Variants in GATAD2B observed in about 807,000 individuals in gnomAD.
GATAD2B encodes transcriptional repressor p66-beta.
Under a neutral mutation model 64.3 loss-of-function variants are expected in GATAD2B, and 8 were observed. The ratio of observed to expected loss-of-function variants is 0.12; its 90% CI spans 0.07 to 0.22. The LOEUF is 0.22. Ranked by LOEUF, GATAD2B falls within the 10% of genes least tolerant of loss-of-function variation. The pLI, the probability that GATAD2B is intolerant of heterozygous loss-of-function variation, is 1.00. For missense variants in GATAD2B, 453 were observed against 752.0 expected, an observed-to-expected ratio of 0.60 and a Z score of 4.65; for synonymous variants, 281 against 271.3, an observed-to-expected ratio of 1.04 and a Z score of -0.35.
chr1:153,904,279 C>CAAATAAATAAATAAATAAAT (rs71093301), intron 1 of GATAD2B, among the ~76,000 whole-genome samples: 1 of 147,246 alleles, frequency 6.8e-6, no homozygotes, highest in African/African-American at 2.5e-5. Context: ...AACTCCATCT[C>CAAATAAATAAATAAATAAAT]AAATAAATAA....
rs931018348 is a variant in GATAD2B, at chr1:153,805,733, G to A, written c.*4444C>T. ...AGATGATCCCCCTCTTCACTTCACA[G>A]ATAAGAAAATTGATACTCAGAAAAT... On this transcript the variant is annotated 3_prime_UTR_variant, in exon 11 of 11. Coordinates refer to ENST00000368655, the MANE Select transcript of GATAD2B (RefSeq NM_020699.4). 15 of 152,182 alleles carry A rather than the reference G, an allele frequency of 9.9e-5. No homozygotes were observed. Among genetic ancestry groups the A allele is most frequent in the African/African-American group, 3.6e-4 (15 of 41,434 alleles). 9.4% of individuals were successfully genotyped at this position (152,182 alleles called of 1,614,324 possible).
Position 153,805,218 on chromosome 1 carries a change from G to A in GATAD2B, c.*4959C>T, listed in dbSNP as rs990974132. The A allele has an allele frequency of 1.3e-5, 2 of 152,214 alleles. No individual in the cohort carries two copies. Among genetic ancestry groups the A allele is most frequent in the African/African-American group, 4.8e-5 (2 of 41,430 alleles). 9.4% of individuals were successfully genotyped at this position (152,214 alleles called of 1,614,324 possible). ...GTGGGGAAATTGGGCCCCTGAAGGAGACAGACTGTGAAACAGCTGCCTTTA... is the reference window on the plus strand; with the variant it reads ...GTGGGGAAATTGGGCCCCTGAAGGAAACAGACTGTGAAACAGCTGCCTTTA... On this transcript the variant is annotated 3_prime_UTR_variant, in exon 11 of 11. Coordinates refer to ENST00000368655, the MANE Select transcript of GATAD2B (RefSeq NM_020699.4).
At chr1:153,862,976 G>A (rs917752568) in intron 1 of GATAD2B, among the ~76,000 whole-genome samples, 3 of 148,536 alleles carry the variant, frequency 2.0e-5, no homozygotes, top group Non-Finnish European at 4.5e-5. Context: ...TGCCCACCTC[G>A]GCCTCCCAAA....
At chr1:153,841,244 A>G (rs1675484170) in intron 1 of GATAD2B, among the ~76,000 whole-genome samples, 1 of 152,178 alleles carries the variant, frequency 6.6e-6, no homozygotes, top group South Asian at 2.1e-4. Flanking sequence ...CCATATCACC[A>G]GCAGGATATC....
chr1:153,900,123 C>T (rs1057096004), intron 1 of GATAD2B, among the ~76,000 whole-genome samples: 5 of 150,994 alleles, frequency 3.3e-5, no homozygotes, highest in Admixed American at 6.6e-5. Flanking sequence ...TTAAAAATTT[C>T]TTTTTTTTTA....
intron 1 of GATAD2B, among the ~76,000 whole-genome samples, chr1:153,908,628 C>A (rs1678020685): frequency 6.6e-6 from 1 of 151,352 alleles, no homozygotes; most frequent in South Asian, 2.1e-4. Context: ...GCCACCACGC[C>A]CAGCTAATTT....
Position 153,807,311 on chromosome 1 carries a change from A to G in GATAD2B, c.*2866T>C, listed in dbSNP as rs1570918597. 6.6e-6 allele frequency: 1 copy of G among 152,178 alleles called. No homozygotes were observed. The highest frequency in any genetic ancestry group is 2.4e-5 in the African/African-American group (1 of 41,430). The allele number at this position is 152,178 out of a possible 1,614,324, so 9.4% of individuals were successfully genotyped here. A position where few individuals can be genotyped will look rare whatever the true frequency, so the allele number is the denominator to read the frequency against. ...AGCCTGGAGATGGATAGTAACAAGT[A>G]GACTTGGAGGGACACAAGGCAATCA... On this transcript the variant is annotated 3_prime_UTR_variant, in exon 11 of 11. Transcript: ENST00000368655.
chr1:153,919,948 G>A (rs1479869665), intron 1 of GATAD2B, among the ~76,000 whole-genome samples: 1 of 152,194 alleles, frequency 6.6e-6, no homozygotes, highest in Non-Finnish European at 1.5e-5. Context: ...GATTTCTCTA[G>A]CAGTTGTTTT....
intron 1 of GATAD2B, among the ~76,000 whole-genome samples, chr1:153,870,706 G>A (rs1245750752): frequency 6.6e-6 from 1 of 152,114 alleles, no homozygotes; most frequent in Non-Finnish European, 1.5e-5. Flanking sequence ...ATATGTTTAA[G>A]GTATATATGA....
chr1:153,862,075 C>A (rs1309309066), intron 1 of GATAD2B, among the ~76,000 whole-genome samples: 1 of 145,192 alleles, frequency 6.9e-6, no homozygotes, highest in Non-Finnish European at 1.5e-5. Context: ...ATATAACTTA[C>A]ATTAGTTTTT....
At chr1:153,891,571 G>A (rs1169189470) in intron 1 of GATAD2B, among the ~76,000 whole-genome samples, 2 of 15,472 alleles carry the variant, frequency 1.3e-4, no homozygotes, top group Non-Finnish European at 1.4e-4. Context: ...ACTCTGTCTC[G>A]TTTAAAAAAA....
At chr1:153,905,954 CTACTAGG>C (rs1004897668) in intron 1 of GATAD2B, among the ~76,000 whole-genome samples, 11 of 150,766 alleles carry the variant, frequency 7.3e-5, no homozygotes, top group Admixed American at 6.6e-4. Flanking sequence ...GTAATCTCAG[CTACTAGG>C]GAGGCTGAGA....
intron 1 of GATAD2B, among the ~76,000 whole-genome samples, chr1:153,918,953 A>G (rs1268331097): frequency 7.0e-6 from 1 of 142,960 alleles, no homozygotes; most frequent in Non-Finnish European, 1.6e-5. Context: ...CTCCATCTCA[A>G]AAAATATAAA....
Position 153,885,519 on chromosome 1 carries a change from C to G in GATAD2B, c.-2+37214G>C, listed in dbSNP as rs964604428. On this transcript the variant is annotated intron_variant, in intron 1 of 10. Transcript: ENST00000368655. ...GGTGGATCATCTGAGGTTAGGAGTT[C>G]GAGACCAGCCTGGCCAACATGGTGA... Among the ~76,000 whole-genome samples the G allele has an allele frequency of 6.6e-5, 10 of 151,908 alleles. No homozygotes were observed. In the South Asian group the frequency reaches 2.1e-3, roughly 32 times the overall value.
chr1:153,818,850 G>A lies in GATAD2B; in HGVS notation c.538C>T (p.Leu180=). 4 of 1,613,446 alleles carry A rather than the reference G, an allele frequency of 2.5e-6. No homozygotes were observed. Among genetic ancestry groups the A allele is most frequent in the Non-Finnish European group, 2.5e-6 (3 of 1,179,790 alleles). Residue 180 remains leucine, a synonymous_variant, in exon 4 of 11, where the codon CTG becomes TTG. Coordinates refer to ENST00000368655, the MANE Select transcript of GATAD2B (RefSeq NM_020699.4). The part of the protein sequence containing the change: ...RDELRLEEAR[L]VLLKKLRQSQ... ...TGTCTCAGTTTCTTTAACAGGACCA[G>A]TCGGGCTTCTTCCAATCGTAGCTCA... is the stretch of plus-strand genomic sequence containing the variant.
chr1:153,815,280 C>CAAACAA (rs1674428697), intron 7 of GATAD2B, among the ~76,000 whole-genome samples: 1 of 66,630 alleles, frequency 1.5e-5, no homozygotes, highest in African/African-American at 6.4e-5. Context: ...CTCAAAAAAA[C>CAAACAA]AAAAAAAAAA....
intron 1 of GATAD2B, among the ~76,000 whole-genome samples, chr1:153,832,897 T>A (rs551596132): frequency 3.3e-5 from 5 of 152,326 alleles, no homozygotes; most frequent in African/African-American, 1.2e-4. Flanking sequence ...AATAGCCTTC[T>A]ACTAGAAGAC....
At chr1:153,869,861 TCA>T (rs1456927356) in intron 1 of GATAD2B, among the ~76,000 whole-genome samples, 2 of 152,178 alleles carry the variant, frequency 1.3e-5, no homozygotes, top group Non-Finnish European at 2.9e-5. Context: ...GTGTGGTGAC[TCA>T]CACCTATAAT....
In GATAD2B at chr1:153,810,021, T is replaced by A. The variant is rs1158129819; in HGVS notation, c.*156A>T. The A allele has an allele frequency of 2.9e-6, 2 of 688,676 alleles. No homozygotes were observed. Among genetic ancestry groups the A allele is most frequent in the Non-Finnish European group, 4.9e-6 (2 of 410,472 alleles). 42.7% of individuals were successfully genotyped at this position (688,676 alleles called of 1,614,324 possible). A position where few individuals can be genotyped will look rare whatever the true frequency, so the allele number is the denominator to read the frequency against. ...GAGGTGGCAGGGCAGGGCGTGTGTT[T>A]TCTTGCTGATCTCTATTTTTTGTCT... On this transcript the variant is annotated 3_prime_UTR_variant, in exon 11 of 11. Coordinates refer to ENST00000368655, the MANE Select transcript of GATAD2B (RefSeq NM_020699.4).
Sources: gnomAD v4.1 joint callset for allele counts (sites outside exome capture counted in the v4.1 genomes callset) on GRCh38, gnomAD v4.1.1 for gene constraint, MANE v1.5 for transcripts, NCBI Gene and HGNC (gene_info 2026-07-23, HGNC 2026-07-21) for gene names.